The following MME variants were observed in gnomAD, a reference collection of about 807,000 sequenced individuals.
The protein encoded by MME is neprilysin.
MME carries 98 observed loss-of-function variants against 113.2 expected under a neutral mutation model. That is an observed-to-expected ratio of 0.87 (90% CI 0.74 to 1.02). The LOEUF (loss-of-function observed/expected upper bound fraction) is 1.02. MME is among the 50% of genes least tolerant of loss of function. The pLI is 0.00. For synonymous variants in MME, 292 were observed against 300.6 expected (o/e 0.97, Z 0.30); for missense variants, 836 against 896.0 (o/e 0.93, Z 0.86).
At chr3:155,153,904 G>A (rs1008792056) in intron 16 of MME, among the ~76,000 whole-genome samples, 1 of 152,124 alleles carries the variant, frequency 6.6e-6, no homozygotes, top group Non-Finnish European at 1.5e-5. Context: ...TGATCTTAAG[G>A]GGCAGATGAT....
chr3:155,108,550 C>T (rs770506795), intron 3 of MME, among the ~76,000 whole-genome samples: 8 of 151,242 alleles, frequency 5.3e-5, no homozygotes, highest in African/African-American at 9.7e-5. Context: ...GAGCAGATAT[C>T]GCGCCATTGC....
intron 8 of MME, among the ~76,000 whole-genome samples, chr3:155,125,384 T>C (rs1402583021): frequency 6.7e-6 from 1 of 148,404 alleles, no homozygotes; most frequent in African/African-American, 2.4e-5. Context: ...TCTTCTGCGT[T>C]GCTCACGCTG....
At chr3:155,108,988 C>G (rs964353210) in intron 3 of MME, among the ~76,000 whole-genome samples, 1 of 152,066 alleles carries the variant, frequency 6.6e-6, no homozygotes, top group Admixed American at 6.6e-5. Flanking sequence ...GTGGGGGTCC[C>G]GTGTAACTGG....
chr3:155,044,130 T>C (rs573043522), intron 1 of MME, among the ~76,000 whole-genome samples: 32 of 140,456 alleles, frequency 2.3e-4, no homozygotes, highest in Admixed American at 1.5e-3. Context: ...TTTTTCTTTT[T>C]TTTTTTTTTT....
upstream of MME, chr3:155,079,613 C>T (rs938736587): frequency 1.3e-3 from 6 of 4,494 alleles, no homozygotes; most frequent in African/African-American, 4.9e-3. Flanking sequence ...CCTGCAGCGG[C>T]GAGGCGGGGT....
chr3:155,051,619 G>A (rs1020760300), intron 1 of MME, among the ~76,000 whole-genome samples: 1 of 152,284 alleles, frequency 6.6e-6, no homozygotes, highest in South Asian at 2.1e-4. Context: ...TCACTATCAT[G>A]AGAACAGTGT....
At chr3:155,124,176 C>T (rs1719395522) in intron 8 of MME, among the ~76,000 whole-genome samples, 1 of 151,148 alleles carries the variant, frequency 6.6e-6, no homozygotes, top group Non-Finnish European at 1.5e-5. Flanking sequence ...ATTTCATCTT[C>T]CATTGCTGAT....
chr3:155,133,070 T>G (rs1720293759), intron 8 of MME, among the ~76,000 whole-genome samples: 1 of 126,518 alleles, frequency 7.9e-6, no homozygotes, highest in Non-Finnish European at 1.6e-5. Flanking sequence ...AAAATATATA[T>G]ATATATATAT....
chr3:155,038,226 T>C (rs2108118240), intron 1 of MME, among the ~76,000 whole-genome samples: 1 of 152,286 alleles, frequency 6.6e-6, no homozygotes, highest in South Asian at 2.1e-4. Flanking sequence ...AAAATGCTTG[T>C]AAACCCAAGG....
chr3:155,168,860 C>A, intron 20 of MME, 63 bp downstream of exon 20: 1 of 1,400,426 alleles, frequency 7.1e-7, no homozygotes, highest in South Asian at 1.2e-5. Flanking sequence ...TTTAATAATT[C>A]ATTTAAAACC....
At chr3:155,143,344 T>G (rs976940934) in intron 12 of MME, 99 bp from the exon 13 acceptor site, 4 of 1,390,962 alleles carry the variant, frequency 2.9e-6, no homozygotes, top group Non-Finnish European at 4.1e-6. Flanking sequence ...GTGATGAATA[T>G]TTCAAGAACT....
chr3:155,078,844 A>G (rs149539086), upstream of MME, among the ~76,000 whole-genome samples: 7 of 152,248 alleles, frequency 4.6e-5, no homozygotes, highest in East Asian at 1.2e-3. Context: ...TTGTGCCTAA[A>G]GTATTTATTT....
intron 1 of MME, among the ~76,000 whole-genome samples, chr3:155,028,357 A>G (rs543775941): frequency 1.3e-5 from 2 of 152,222 alleles, no homozygotes; most frequent in African/African-American, 4.8e-5. Context: ...TGAGAGCTGC[A>G]TGTTGAAAGG....
chr3:155,118,430 A>C (rs1718806272), intron 7 of MME, among the ~76,000 whole-genome samples: 1 of 152,218 alleles, frequency 6.6e-6, no homozygotes, highest in Non-Finnish European at 1.5e-5. Context: ...ACGTCCTAGA[A>C]TCTAACATGT....
At chr3:155,038,598 C>T (rs1713205491) in intron 1 of MME, among the ~76,000 whole-genome samples, 1 of 152,186 alleles carries the variant, frequency 6.6e-6, no homozygotes, top group Admixed American at 6.5e-5. Context: ...GGTTAATGTA[C>T]AGTAGTTACT....
intron 22 of MME, among the ~76,000 whole-genome samples, chr3:155,176,229 C>G (rs1712504333): frequency 6.6e-6 from 1 of 152,134 alleles, no homozygotes; most frequent in Non-Finnish European, 1.5e-5. Context: ...GATATAAAGT[C>G]CATTCTTGGT....
At chr3:155,112,318 T>C (rs1422737932) in intron 3 of MME, 1 of 152,212 alleles carries the variant, frequency 6.6e-6, no homozygotes, top group Admixed American at 6.5e-5. Context: ...AATGAAATAA[T>C]ATGAAATAAT....
At position 155,152,855 on chromosome 3, in the gene MME, A is replaced by G. The variant is rs560897086; in HGVS notation, c.1601+4202A>G. ...CACTCCGTCTCAAAGAAAAAAAAAA[A>G]ATGGTCACATCCAAACATTTCACTA... is the stretch of plus-strand genomic sequence containing the variant. On this transcript the variant is annotated intron_variant, in intron 16 of 22. Transcript: ENST00000360490. Among the ~76,000 whole-genome samples the G allele has an allele frequency of 2.8e-4, 43 of 152,140 alleles. No homozygotes were observed. The East Asian group carries it at 7.8e-3, about 27-fold the overall frequency.
Position 155,177,690 on chromosome 3 carries a change from G to A in MME, c.2154-2670G>A, listed in dbSNP as rs1249178982. ...CTCACATGGTCCAAATAGTGAATTTGTTTTTCAATATTTCAGATGTAAGAA... is the reference window on the plus strand; with the variant it reads ...CTCACATGGTCCAAATAGTGAATTTATTTTTCAATATTTCAGATGTAAGAA... On this transcript the variant is annotated intron_variant, in intron 22 of 22. Transcript: ENST00000360490. Among the ~76,000 whole-genome samples the A allele has an allele frequency of 2.0e-5, 3 of 152,024 alleles. No individual in the cohort carries two copies. The East Asian group carries it at 5.8e-4, about 29-fold the overall frequency.
Sources: allele counts gnomAD v4.1 joint callset (sites outside exome capture counted in the v4.1 genomes callset), GRCh38; gene constraint gnomAD v4.1.1; transcripts MANE v1.5; gene names NCBI Gene and HGNC (gene_info 2026-07-23, HGNC 2026-07-21).